The following RPS6KA2 variants were observed in gnomAD, a reference collection of about 807,000 sequenced individuals.
RPS6KA2 encodes ribosomal protein S6 kinase alpha-2.
A neutral mutation model predicts 91.8 loss-of-function variants in RPS6KA2; 42 were observed. That is an observed-to-expected ratio of 0.46 (90% CI 0.36 to 0.59). The LOEUF is 0.59. Ranked by LOEUF, RPS6KA2 falls within the 20% of genes least tolerant of loss-of-function variation. The pLI, the probability that RPS6KA2 is intolerant of heterozygous loss-of-function variation, is 0.00. For synonymous variants in RPS6KA2, 414 were observed against 393.6 expected (o/e 1.05, Z -0.61); for missense variants, 798 against 978.5 (o/e 0.82, Z 2.46).
At chr6:166,654,999 G>T (rs982605504) in intron 2 of RPS6KA2, among the ~76,000 whole-genome samples, 3 of 152,150 alleles carry the variant, frequency 2.0e-5, no homozygotes, top group Non-Finnish European at 2.9e-5. Flanking sequence ...GGCTGAGGGT[G>T]GGGGAAGAAT....
chr6:166,471,859 C>T (rs550427004), intron 10 of RPS6KA2, among the ~76,000 whole-genome samples: 14 of 152,264 alleles, frequency 9.2e-5, no homozygotes, highest in Non-Finnish European at 1.5e-4. Flanking sequence ...CCCAGTCTAG[C>T]TCCCTTGTTC....
chr6:166,462,196 AAGG>A (rs1436028496), intron 11 of RPS6KA2, among the ~76,000 whole-genome samples: 2 of 152,150 alleles, frequency 1.3e-5, no homozygotes, highest in East Asian at 3.9e-4. Context: ...CTTCTTCAAG[AAGG>A]AGGACTGGAT....
In RPS6KA2 at chr6:166,434,660, T is replaced by G. The variant is rs1000503399; in HGVS notation, c.1333-2170A>C. Among the ~76,000 whole-genome samples the G allele has an allele frequency of 2.0e-5, 3 of 152,216 alleles. No homozygotes were observed. Among genetic ancestry groups the G allele is most frequent in the African/African-American group, 7.2e-5 (3 of 41,458 alleles). On this transcript the variant is annotated intron_variant, in intron 14 of 20. Coordinates refer to ENST00000265678, the MANE Select transcript of RPS6KA2 (RefSeq NM_021135.6). The surrounding 1 kb of genome is among the most constrained non-coding windows in gnomAD (Gnocchi z 4.4). ...ATAAAAGAATTCAGTAGAAGATTTT[T>G]TCGCAAATATGATTTCATGATAAAG...
rs372364611 is a variant in RPS6KA2, at chr6:166,662,942, G to C, written c.124-124158C>G. On this transcript the variant is annotated intron_variant, in intron 2 of 21. Coordinates refer to the RPS6KA2 transcript ENST00000503859. The surrounding 1 kb of genome is among the most constrained non-coding windows in gnomAD (Gnocchi z 4.3). ...CCTCTGTGTATGGAGGAACGGCCAC[G>C]CGAGGACAGGGAGGAGGCGCCATCT... is the stretch of plus-strand genomic sequence containing the variant. Among the ~76,000 whole-genome samples, 1 of 152,084 alleles carries C rather than the reference G, an allele frequency of 6.6e-6. No homozygotes were observed. Among genetic ancestry groups the C allele is most frequent in the African/African-American group, 2.4e-5 (1 of 41,412 alleles).
upstream of RPS6KA2, among the ~76,000 whole-genome samples, chr6:166,630,620 T>A (rs1420359011): frequency 6.6e-6 from 1 of 152,182 alleles, no homozygotes; most frequent in Non-Finnish European, 1.5e-5. Context: ...GCTCTGCCCA[T>A]CACAGGCATC....
intron 3 of RPS6KA2, among the ~76,000 whole-genome samples, chr6:166,519,283 C>A (rs759487401): frequency 6.6e-6 from 1 of 152,178 alleles, no homozygotes; most frequent in Non-Finnish European, 1.5e-5. Context: ...CAGGCTATAG[C>A]GTCTCTGTGA....
At chr6:166,853,981 G>A (rs1017671273) in intron 2 of RPS6KA2, among the ~76,000 whole-genome samples, 5 of 152,244 alleles carry the variant, frequency 3.3e-5, no homozygotes, top group African/African-American at 9.6e-5. Flanking sequence ...CTGTGATGTC[G>A]CTATACTGAG....
chr6:166,747,918 G>A (rs1791072088), intron 2 of RPS6KA2, among the ~76,000 whole-genome samples: 1 of 152,212 alleles, frequency 6.6e-6, no homozygotes, highest in Non-Finnish European at 1.5e-5. Flanking sequence ...GGCAGCGGCT[G>A]TGTACGGACA....
intron 3 of RPS6KA2, among the ~76,000 whole-genome samples, chr6:166,515,512 C>A (rs78545381): frequency 0.011 from 1,679 of 152,310 alleles, 28 homozygotes; most frequent in African/African-American, 0.038. Flanking sequence ...TTAACCATGA[C>A]TGCAGTTATG....
intron 10 of RPS6KA2, among the ~76,000 whole-genome samples, chr6:166,471,905 G>C (rs73033745): frequency 0.11 from 16,777 of 152,264 alleles, 1,098 homozygotes; most frequent in Middle Eastern, 0.2. Flanking sequence ...CTGATCCCAG[G>C]CCTTTGCAAT....
At chr6:166,514,847 C>T (rs1041574190) in intron 3 of RPS6KA2, among the ~76,000 whole-genome samples, 3 of 152,118 alleles carry the variant, frequency 2.0e-5, no homozygotes, top group African/African-American at 7.2e-5. Flanking sequence ...TCATCCTAGC[C>T]CTCTGCCTGG....
chr6:166,613,416 C>T (rs1042270610), intron 1 of RPS6KA2, among the ~76,000 whole-genome samples: 7 of 152,320 alleles, frequency 4.6e-5, no homozygotes, highest in South Asian at 4.1e-4. Flanking sequence ...AACACGTCAC[C>T]GAAGGAGTCT....
At chr6:166,803,733 C>T (rs1048055152) in intron 2 of RPS6KA2, among the ~76,000 whole-genome samples, 4 of 152,158 alleles carry the variant, frequency 2.6e-5, no homozygotes, top group Non-Finnish European at 5.9e-5. Flanking sequence ...TTCACACAGT[C>T]GCCATGGAGC....
At chr6:166,774,102 C>A (rs976280869) in intron 2 of RPS6KA2, among the ~76,000 whole-genome samples, 1 of 152,142 alleles carries the variant, frequency 6.6e-6, no homozygotes, top group Non-Finnish European at 1.5e-5. Context: ...AGGCAGGCAC[C>A]ATCGCTTTCA....
intron 1 of RPS6KA2, among the ~76,000 whole-genome samples, chr6:166,593,912 G>C (rs548586266): frequency 6.6e-6 from 1 of 152,138 alleles, no homozygotes. Flanking sequence ...AGATAACTCA[G>C]GTAACACTAT....
At chr6:166,470,369 A>C (rs528402074) in intron 10 of RPS6KA2, among the ~76,000 whole-genome samples, 18 of 152,282 alleles carry the variant, frequency 1.2e-4, no homozygotes, top group African/African-American at 3.9e-4. Flanking sequence ...AGAGGAGTTG[A>C]CAGGACTGAG....
chr6:166,467,984 T>C (rs1000688523), intron 11 of RPS6KA2, among the ~76,000 whole-genome samples: 2 of 152,356 alleles, frequency 1.3e-5, no homozygotes, highest in South Asian at 2.1e-4. Flanking sequence ...GGATGCAACA[T>C]GCTGTGACCC....
At chr6:166,713,326 T>C (rs1193131699) in intron 2 of RPS6KA2, among the ~76,000 whole-genome samples, 1 of 152,230 alleles carries the variant, frequency 6.6e-6, no homozygotes, top group Non-Finnish European at 1.5e-5. Flanking sequence ...TTTGTTTTGT[T>C]TTGTTTTGTT....
At chr6:166,758,719 G>C (rs1161323072) in intron 2 of RPS6KA2, among the ~76,000 whole-genome samples, 1 of 152,204 alleles carries the variant, frequency 6.6e-6, no homozygotes, top group Non-Finnish European at 1.5e-5. Flanking sequence ...GAAATAAACA[G>C]ATATAAAAAC....
Sources: allele counts gnomAD v4.1 joint callset (sites outside exome capture counted in the v4.1 genomes callset), GRCh38; gene constraint gnomAD v4.1.1; non-coding constraint Gnocchi (gnomAD v3.1); transcripts MANE v1.5; gene names NCBI Gene and HGNC (gene_info 2026-07-23, HGNC 2026-07-21).